TMEM68: variants seen among roughly 807,000 people sequenced by gnomAD.
TMEM68 encodes DGAT1/2-independent enzyme synthesizing storage lipids.
In TMEM68, 25 loss-of-function variants were observed where a neutral mutation model predicts 36.9. The ratio of observed to expected loss-of-function variants is 0.68; its 90% CI spans 0.49 to 0.95. TMEM68 has a LOEUF of 0.95. TMEM68 is among the 40% of genes least tolerant of loss of function. The pLI is 0.00. For synonymous variants in TMEM68, 131 were observed against 124.4 expected, an observed-to-expected ratio of 1.05 and a Z score of -0.35; for missense variants, 333 against 392.0, an observed-to-expected ratio of 0.85 and a Z score of 1.27.
At chr8:55,770,791 AAC>A (rs1811131142) in intron 1 of TMEM68, among the ~76,000 whole-genome samples, 1 of 152,182 alleles carries the variant, frequency 6.6e-6, no homozygotes, top group Non-Finnish European at 1.5e-5. Flanking sequence ...ATCTAAAATA[AAC>A]ACAGTCTAAT....
rs72651426 is a variant in TMEM68, at chr8:55,750,121, T to A, written c.687+843A>T. On this transcript the variant is annotated intron_variant, in intron 5 of 7. Transcript: ENST00000434581. ...AACTTGAAAGTTGAACCATCTTTGA[T>A]TAGGATTTTAGTTTTTATCATTGTT... 3.0e-3 allele frequency among the ~76,000 whole-genome samples: 462 copies of A among 152,316 alleles called. 1 individual carries two copies. Among genetic ancestry groups the A allele is most frequent in the Middle Eastern group, 6.8e-3 (2 of 294 alleles).
At chr8:55,771,345 T>C (rs1374369443) in intron 1 of TMEM68, among the ~76,000 whole-genome samples, 1 of 152,168 alleles carries the variant, frequency 6.6e-6, no homozygotes, top group Non-Finnish European at 1.5e-5. Flanking sequence ...CTCATGCCTA[T>C]AATCCTAACA....
intron 5 of TMEM68, among the ~76,000 whole-genome samples, chr8:55,750,553 T>TTC (rs1247925450): frequency 6.6e-5 from 10 of 151,088 alleles, no homozygotes; most frequent in Non-Finnish European, 1.2e-4. Context: ...TTTTTTTTTT[T>TTC]TTTTCTGAGA....
intron 5 of TMEM68, chr8:55,747,611 G>A (rs999289124): frequency 6.6e-5 from 10 of 151,980 alleles, no homozygotes; most frequent in Non-Finnish European, 1.5e-4. Context: ...TTACAGGCAT[G>A]AGCCTCCATA....
chr8:55,751,631 T>C (rs1320102948), intron 4 of TMEM68: 2 of 316,688 alleles, frequency 6.3e-6, no homozygotes, highest in Non-Finnish European at 1.2e-5. Flanking sequence ...ATCAAATCTA[T>C]TTAAATTAAA....
intron 1 of TMEM68, among the ~76,000 whole-genome samples, chr8:55,770,537 G>A (rs1811121296): frequency 6.6e-6 from 1 of 152,138 alleles, no homozygotes; most frequent in Non-Finnish European, 1.5e-5. Context: ...GCCAGGCATG[G>A]TGGCACGTTC....
rs1186726569 is a variant in TMEM68, at chr8:55,756,405, T to G, written c.332A>C (p.Glu111Ala). 1.5e-5 allele frequency: 24 copies of G among 1,567,322 alleles called. No individual in the cohort carries two copies. The highest frequency in any genetic ancestry group is 2.8e-5 in the African/African-American group (2 of 72,060). ...TGGTATTTTTTCCATTCCATGAACT[T>G]CATAACCTGTTTGAATGACAAAATG... is the stretch of plus-strand genomic sequence containing the variant. The part of the protein sequence containing the change: ...DGHAAVWHGY[E>A]VHGMEKIPED... The change falls in exon 4 of 8, where the codon GAA (glutamate) becomes GCA (alanine). Residue 111 changes from glutamate to alanine, a missense_variant. Coordinates refer to ENST00000434581, the MANE Select transcript of TMEM68 (RefSeq NM_001286657.2).
intron 4 of TMEM68, among the ~76,000 whole-genome samples, chr8:55,753,829 C>T (rs960205381): frequency 7.2e-5 from 11 of 152,306 alleles, no homozygotes; most frequent in African/African-American, 2.2e-4. Flanking sequence ...CAGTGCCTCA[C>T]GCCTGCAATC....
chr8:55,752,723 T>A (rs893347655), intron 4 of TMEM68, among the ~76,000 whole-genome samples: 1 of 5,940 alleles, frequency 1.7e-4, no homozygotes, highest in African/African-American at 2.7e-4. Context: ...TAGGATCCCT[T>A]TTTTTTTTTT....
intron 1 of TMEM68, among the ~76,000 whole-genome samples, chr8:55,769,224 G>A (rs1258764025): frequency 1.4e-5 from 2 of 144,184 alleles, no homozygotes. Context: ...TTGGGAGGCT[G>A]AGGCACTAGA....
At position 55,751,059 on chromosome 8, in the gene TMEM68, C is replaced by T. The variant is rs754010011; in HGVS notation, c.592G>A (p.Gly198Ser). The T allele has an allele frequency of 1.9e-6, 3 of 1,614,118 alleles. No homozygotes were observed. In the East Asian group the frequency reaches 6.7e-5, roughly 36 times the overall value. Reference sequence around the variant, plus strand: ...CTAATTAGGGCTTCTCGAACTCCACCTGGTGAGATAGCTAACAAGTGGCCA... The same window carrying T: ...CTAATTAGGGCTTCTCGAACTCCACTTGGTGAGATAGCTAACAAGTGGCCA... ...RSGHLLAISP[G>S]GVREALISDE... is the part of the protein sequence containing the mutation. The change falls in exon 5 of 8, where the codon GGT becomes AGT. Residue 198 changes from glycine to serine, a missense_variant. Transcript: ENST00000434581.
At chr8:55,748,582 GGAGA>G (rs151007332) in intron 5 of TMEM68, among the ~76,000 whole-genome samples, 1 of 150,964 alleles carries the variant, frequency 6.6e-6, no homozygotes, top group African/African-American at 2.4e-5. Flanking sequence ...AGGAAGGGGG[GGAGA>G]GAGAGAGAGA....
intron 7 of TMEM68, among the ~76,000 whole-genome samples, chr8:55,742,060 G>C (rs1810119611): frequency 6.6e-6 from 1 of 151,958 alleles, no homozygotes; most frequent in African/African-American, 2.4e-5. Context: ...TCTCAAAAAG[G>C]AAAGAAAGAA....
intron 5 of TMEM68, chr8:55,746,416 T>C (rs887764659): frequency 1.3e-5 from 2 of 150,128 alleles, no homozygotes; most frequent in African/African-American, 4.9e-5. Flanking sequence ...ATATCAATGA[T>C]TCAGTATATT....
intron 3 of TMEM68, among the ~76,000 whole-genome samples, chr8:55,760,432 A>G (rs1446285252): frequency 6.6e-6 from 1 of 152,242 alleles, no homozygotes; most frequent in East Asian, 1.9e-4. Flanking sequence ...AGCGTGAAAA[A>G]GAAGGAAATC....
At chr8:55,750,826 C>T in intron 5 of TMEM68, 138 bp downstream of exon 5, 1 of 797,126 alleles carries the variant, frequency 1.3e-6, no homozygotes, top group East Asian at 2.8e-5. Context: ...GCGTGAGCTA[C>T]CACACTCGGC....
chr8:55,762,626 C>T lies in TMEM68; in HGVS notation c.325+9G>A, dbSNP rs779806083. 3 of 1,614,122 alleles carry T rather than the reference C, an allele frequency of 1.9e-6. No homozygotes were observed. In the Admixed American group the frequency reaches 5.0e-5, roughly 27 times the overall value. ...ATGGCAACACAAAGGTGAAAGTATCCTTGCTTACCATGCCAAACGGCTGCA... is the reference window on the plus strand; with the variant it reads ...ATGGCAACACAAAGGTGAAAGTATCTTTGCTTACCATGCCAAACGGCTGCA... On this transcript the variant is annotated intron_variant, in intron 3 of 7. Transcript: ENST00000434581.
intron 4 of TMEM68, 25 bp downstream of exon 4, chr8:55,756,219 A>G (rs376833334): frequency 6.3e-6 from 10 of 1,576,652 alleles, no homozygotes; most frequent in Non-Finnish European, 8.6e-6. Flanking sequence ...ACATTTTTAC[A>G]TTACTATCTA....
At chr8:55,770,451 G>A (rs1307790425) in intron 1 of TMEM68, among the ~76,000 whole-genome samples, 3 of 152,150 alleles carry the variant, frequency 2.0e-5, no homozygotes, top group Admixed American at 6.6e-5. Context: ...AAGGTGGAAG[G>A]ACTGCTTGAG....
Sources: allele counts gnomAD v4.1 joint callset (sites outside exome capture counted in the v4.1 genomes callset), GRCh38; gene constraint gnomAD v4.1.1; transcripts MANE v1.5; gene names NCBI Gene and HGNC (gene_info 2026-07-23, HGNC 2026-07-21).